DNPEP: variants seen among roughly 807,000 people sequenced by gnomAD.
The protein encoded by DNPEP is aspartyl aminopeptidase.
DNPEP carries 46 observed loss-of-function variants against 59.1 expected under a neutral mutation model. That is an observed-to-expected ratio of 0.78 (90% CI 0.61 to 0.99). The LOEUF (loss-of-function observed/expected upper bound fraction) is 0.99, where lower values mean the gene tolerates loss of function less well. Ranked by LOEUF, DNPEP falls within the 50% of genes least tolerant of loss-of-function variation. DNPEP has a pLI of 0.00. For synonymous variants in DNPEP, 229 were observed against 242.2 expected (o/e 0.95, Z 0.50); for missense variants, 617 against 649.9 (o/e 0.95, Z 0.55).
intron 1 of DNPEP, among the ~76,000 whole-genome samples, chr2:219,397,875 C>T (rs924091086): frequency 6.6e-6 from 1 of 152,106 alleles, no homozygotes; most frequent in African/African-American, 2.4e-5. Context: ...CAGGCATGAG[C>T]CACTGTGCCT....
In DNPEP at chr2:219,385,508, G is replaced by T. The variant is rs758635974; in HGVS notation, c.690C>A (p.Leu230=). ...CCAGATGGGCACAGAGCAGGGACAT[G>T]AGGACCGAATGGTGCCGCTCATCCT... ...NAVDERHHSV[L]MSLLCAHLGL... is the part of the protein sequence containing the mutation. Residue 230 remains leucine, a synonymous_variant, in exon 8 of 15, where the codon CTC becomes CTA. Coordinates refer to ENST00000273075, the MANE Select transcript of DNPEP (RefSeq NM_012100.4). 6.2e-7 allele frequency: 1 copy of T among 1,604,772 alleles called. No individual in the cohort carries two copies. Among genetic ancestry groups the T allele is most frequent in the East Asian group, 2.2e-5 (1 of 44,544 alleles).
Position 219,384,360 on chromosome 2 carries a change from C to T in DNPEP, c.852+6G>A, listed in dbSNP as rs759449946. On this transcript the variant is annotated splice_donor_region_variant and intron_variant, in intron 9 of 14. Coordinates refer to ENST00000273075, the MANE Select transcript of DNPEP (RefSeq NM_012100.4). The stretch of plus-strand genomic sequence containing the variant: ...ATGTGCTGCCTGGGGCGCCCCGGCT[C>T]CTCACCTGCAGGGCACAGAAGCAGC... 2.5e-6 allele frequency: 4 copies of T among 1,607,248 alleles called. No homozygotes were observed. In the East Asian group the frequency reaches 6.8e-5, roughly 27 times the overall value.
intron 13 of DNPEP, among the ~76,000 whole-genome samples, chr2:219,377,179 CAGAA>C (rs1953406018): frequency 7.2e-6 from 1 of 139,604 alleles, no homozygotes; most frequent in South Asian, 2.2e-4. Flanking sequence ...GAGGCTGAGA[CAGAA>C]GGATCACTTG....
chr2:219,379,020 C>A (rs777264558), intron 13 of DNPEP, among the ~76,000 whole-genome samples: 1 of 152,136 alleles, frequency 6.6e-6, no homozygotes, highest in Non-Finnish European at 1.5e-5. Flanking sequence ...TGGGTTCAAG[C>A]GATTCTCCTG....
At chr2:219,378,044 G>A (rs1040226290) in intron 13 of DNPEP, among the ~76,000 whole-genome samples, 5 of 151,930 alleles carry the variant, frequency 3.3e-5, no homozygotes, top group African/African-American at 1.2e-4. Context: ...TGTATATGAA[G>A]TTTATGCATA....
chr2:219,387,694 G>A, intron 1 of DNPEP, 65 bp downstream of exon 1: 4 of 1,601,642 alleles, frequency 2.5e-6, no homozygotes, highest in Non-Finnish European at 3.4e-6. Flanking sequence ...CTAAGCTTGG[G>A]CCCCGGAGGG....
chr2:219,396,850 C>T (rs1954106243), intron 1 of DNPEP, among the ~76,000 whole-genome samples: 1 of 152,128 alleles, frequency 6.6e-6, no homozygotes, highest in Admixed American at 6.6e-5. Flanking sequence ...GCACACAGAC[C>T]TCCATGTACA....
chr2:219,394,954 G>T (rs1293237633), intron 1 of DNPEP, among the ~76,000 whole-genome samples: 1 of 151,542 alleles, frequency 6.6e-6, no homozygotes, highest in Non-Finnish European at 1.5e-5. Context: ...CAGCAAACAA[G>T]ACAAGGTTTT....
chr2:219,380,745 CTGT>C (rs1219621377), intron 13 of DNPEP, among the ~76,000 whole-genome samples: 8 of 150,842 alleles, frequency 5.3e-5, no homozygotes, highest in Non-Finnish European at 1.2e-4. Flanking sequence ...GAATGTATCC[CTGT>C]TGTTAAGCAA....
chr2:219,399,334 C>T (rs1954148405), intron 1 of DNPEP: 3 of 403,712 alleles, frequency 7.4e-6, no homozygotes, highest in Non-Finnish European at 9.8e-6. Context: ...CCCTGGTCCA[C>T]CAGGCATGGG....
chr2:219,375,445 A>G (rs1318952663), intron 13 of DNPEP, among the ~76,000 whole-genome samples: 1 of 152,250 alleles, frequency 6.6e-6, no homozygotes, highest in Non-Finnish European at 1.5e-5. Context: ...TTTTCAGTGT[A>G]AGAGAAAACA....
At chr2:219,375,687 A>C (rs1479462008) in intron 13 of DNPEP, among the ~76,000 whole-genome samples, 1 of 152,032 alleles carries the variant, frequency 6.6e-6, no homozygotes, top group Non-Finnish European at 1.5e-5. Flanking sequence ...TCAGCCTCCC[A>C]AGTAGCTGGG....
At chr2:219,391,336 G>A (rs1954013174), upstream of DNPEP, among the ~76,000 whole-genome samples, 1 of 152,172 alleles carries the variant, frequency 6.6e-6, no homozygotes, top group African/African-American at 2.4e-5. Flanking sequence ...TTTCTGTGGT[G>A]TAAATGTTCC....
intron 1 of DNPEP, among the ~76,000 whole-genome samples, chr2:219,396,394 C>A (rs1575002745): frequency 6.6e-6 from 1 of 152,042 alleles, no homozygotes; most frequent in African/African-American, 2.4e-5. Flanking sequence ...TCGAGACCAG[C>A]CTTACCAACA....
At chr2:219,397,929 T>C (rs1035173032) in intron 1 of DNPEP, among the ~76,000 whole-genome samples, 16 of 152,068 alleles carry the variant, frequency 1.1e-4, no homozygotes, top group Non-Finnish European at 2.4e-4. Flanking sequence ...TAGATGGAGT[T>C]TCAGTATGTT....
At chr2:219,380,193 TTTTC>T (rs1953530482) in intron 13 of DNPEP, among the ~76,000 whole-genome samples, 7 of 123,474 alleles carry the variant, frequency 5.7e-5, no homozygotes, top group Non-Finnish European at 9.9e-5. Flanking sequence ...TAACTTTTCT[TTTTC>T]TTTTCTTTTT....
upstream of DNPEP, among the ~76,000 whole-genome samples, chr2:219,391,570 G>C (rs577736708): frequency 2.0e-4 from 30 of 151,990 alleles, no homozygotes; most frequent in African/African-American, 6.5e-4. Flanking sequence ...ATATAATTTA[G>C]TTTTTTTTAA....
intron 1 of DNPEP, chr2:219,399,438 A>T: frequency 2.2e-6 from 1 of 459,224 alleles, no homozygotes; most frequent in South Asian, 1.5e-5. Flanking sequence ...TGAGCCCCAT[A>T]CCTGAAACTC....
At chr2:219,397,644 T>G (rs1009099368) in intron 1 of DNPEP, among the ~76,000 whole-genome samples, 1 of 152,242 alleles carries the variant, frequency 6.6e-6, no homozygotes, top group African/African-American at 2.4e-5. Flanking sequence ...TCAGAAGAGA[T>G]ATCTGGGCTG....
Sources: gnomAD v4.1 joint callset for allele counts (sites outside exome capture counted in the v4.1 genomes callset) on GRCh38, gnomAD v4.1.1 for gene constraint, MANE v1.5 for transcripts, NCBI Gene and HGNC (gene_info 2026-07-23, HGNC 2026-07-21) for gene names.